NDUFAF5: variants seen among roughly 807,000 people sequenced by gnomAD.
NDUFAF5 encodes the protein arginine-hydroxylase NDUFAF5, mitochondrial.
Under a neutral mutation model 48.9 loss-of-function variants are expected in NDUFAF5, and 34 were observed. The observed-to-expected ratio is 0.70, with a 90% CI of 0.53 to 0.93. NDUFAF5 has a LOEUF of 0.93. Ranked by LOEUF, NDUFAF5 falls within the 40% of genes least tolerant of loss-of-function variation. NDUFAF5 has a pLI of 0.00. For missense variants in NDUFAF5, 428 were observed against 427.5 expected, an observed-to-expected ratio of 1.00 and a Z score of -0.01; for synonymous variants, 153 against 150.6, an observed-to-expected ratio of 1.02 and a Z score of -0.12.
intron 1 of NDUFAF5, among the ~76,000 whole-genome samples, chr20:13,786,410 T>G (rs1258960394): frequency 6.6e-6 from 1 of 152,222 alleles, no homozygotes; most frequent in African/African-American, 2.4e-5. Flanking sequence ...CTCATAGCCC[T>G]TTCCCTCCAA....
rs767617748 is a variant in NDUFAF5 at position 13,820,415 on chromosome 20, C to G, written c.*3205C>G. ...TTAAAGACATGTACAGTTTTTTGGC[C>G]GGCTGCAGTGGCTCACACCTGTGAT... On this transcript the variant is annotated 3_prime_UTR_variant, in exon 11 of 11. Coordinates refer to ENST00000378106, the MANE Select transcript of NDUFAF5 (RefSeq NM_024120.5). 5.9e-5 allele frequency: 9 copies of G among 151,940 alleles called. No homozygotes were observed. Among genetic ancestry groups the G allele is most frequent in the Admixed American group, 4.6e-4 (7 of 15,238 alleles). 9.4% of individuals were successfully genotyped at this position (151,940 alleles called of 1,614,324 possible). A position where few individuals can be genotyped will look rare whatever the true frequency, so the allele number is the denominator to read the frequency against.
intron 9 of NDUFAF5, 127 bp downstream of exon 9, chr20:13,816,673 T>A: frequency 1.2e-6 from 1 of 833,480 alleles, no homozygotes. Flanking sequence ...GTCCTTCCTC[T>A]CAAAACACAG....
intron 8 of NDUFAF5, among the ~76,000 whole-genome samples, chr20:13,815,743 T>C (rs1986380350): frequency 1.3e-5 from 2 of 152,230 alleles, no homozygotes; most frequent in South Asian, 4.1e-4. Context: ...CTTTTAATTT[T>C]GCAGACTGGC....
At chr20:13,795,076 TGA>T (rs1327797413) in intron 5 of NDUFAF5, 135 bp downstream of exon 5, 40 of 681,068 alleles carry the variant, frequency 5.9e-5, no homozygotes, top group Non-Finnish European at 9.9e-5. Context: ...GTGAATCTCT[TGA>T]GGTCAGGAGT....
chr20:13,808,768 C>T (rs1359093784), intron 7 of NDUFAF5, 74 bp from the exon 8 acceptor site: 7 of 969,146 alleles, frequency 7.2e-6, no homozygotes, highest in African/African-American at 1.6e-5. Context: ...TGGGTAGTCT[C>T]TGCGGCCTCT....
At chr20:13,801,360 G>T (rs1984086378) in intron 6 of NDUFAF5, 126 bp from the exon 7 acceptor site, 1 of 553,142 alleles carries the variant, frequency 1.8e-6, no homozygotes, top group Admixed American at 3.4e-5. Flanking sequence ...GTTAAATTAT[G>T]TGATTATTAA....
rs751806217 is a variant in NDUFAF5, at chr20:13,785,110, T to C, written c.42T>C (p.Pro14=). ...PAGLWRLCRR[P]WAARVPAENL... is the part of the protein sequence containing the mutation. ...GGCTCTGGCGCTTATGTCGGCGACCTTGGGCGGCGAGGGTCCCAGCGGAGA... is the reference window on the plus strand; with the variant it reads ...GGCTCTGGCGCTTATGTCGGCGACCCTGGGCGGCGAGGGTCCCAGCGGAGA... The change falls in exon 1 of 11, where the codon CCT becomes CCC. Residue 14 remains proline, a synonymous_variant. Transcript: ENST00000378106. The C allele has an allele frequency of 5.0e-6, 8 of 1,613,504 alleles. No homozygotes were observed. The Admixed American group carries it at 5.0e-5, about 10-fold the overall frequency.
chr20:13,819,605 G>C lies in NDUFAF5; in HGVS notation c.*2395G>C, dbSNP rs1251153214. The C allele has an allele frequency of 1.3e-5, 2 of 152,356 alleles. No homozygotes were observed. Among genetic ancestry groups the C allele is most frequent in the Admixed American group, 1.3e-4 (2 of 15,280 alleles). The allele number at this position is 152,356 out of a possible 1,614,324, so 9.4% of individuals were successfully genotyped here. ...GATGGTCTCAATCTCTTGACCTTGT[G>C]ATCTGCCCACCTTGGCTTCCCAAAG... On this transcript the variant is annotated 3_prime_UTR_variant, in exon 11 of 11. Coordinates refer to ENST00000378106, the MANE Select transcript of NDUFAF5 (RefSeq NM_024120.5).
At chr20:13,788,503 T>TG in intron 2 of NDUFAF5, 86 bp from the exon 3 acceptor site, 1 of 1,035,338 alleles carries the variant, frequency 9.7e-7, no homozygotes, top group South Asian at 1.3e-5. Context: ...TTGTGTTTAC[T>TG]GGAATGATTT....
At chr20:13,789,864 A>C (rs970168797) in intron 3 of NDUFAF5, among the ~76,000 whole-genome samples, 3 of 152,172 alleles carry the variant, frequency 2.0e-5, no homozygotes. Flanking sequence ...GGCTCCTAAA[A>C]CACTATTATT....
intron 8 of NDUFAF5, among the ~76,000 whole-genome samples, chr20:13,810,734 A>C (rs1171579742): frequency 6.6e-6 from 1 of 152,114 alleles, no homozygotes; most frequent in Non-Finnish European, 1.5e-5. Flanking sequence ...GTGTCTGAGA[A>C]GGTGGGAAGG....
At chr20:13,807,268 G>A (rs148873523) in intron 7 of NDUFAF5, among the ~76,000 whole-genome samples, 1,822 of 151,942 alleles carry the variant, frequency 0.012, 41 homozygotes, top group African/African-American at 0.042. Context: ...GAATGGTCTC[G>A]ATCTCCTGAC....
At chr20:13,791,152 T>C (rs1310611541) in intron 3 of NDUFAF5, among the ~76,000 whole-genome samples, 1 of 152,144 alleles carries the variant, frequency 6.6e-6, no homozygotes, top group African/African-American at 2.4e-5. Flanking sequence ...GTTTTAGATA[T>C]GTTGAGTTTG....
intron 7 of NDUFAF5, among the ~76,000 whole-genome samples, chr20:13,802,406 C>T (rs369732864): frequency 2.6e-5 from 4 of 152,192 alleles, no homozygotes; most frequent in Non-Finnish European, 4.4e-5. Flanking sequence ...CGGTGGCTCA[C>T]GCCTGTAATC....
In NDUFAF5 at chr20:13,785,142, G is replaced by T. The variant is rs1980730444; in HGVS notation, c.74G>T (p.Gly25Val). ...WAARVPAENL[G>V]RREVTSGVSP... is the part of the protein sequence containing the mutation. ...GCGAGGGTCCCAGCGGAGAATCTTG[G>T]CCGTAGGGAAGTCACCTCTGGTGTC... The change falls in exon 1 of 11, where the codon GGC (glycine) becomes GTC (valine). Residue 25 changes from glycine to valine, a missense_variant. By Grantham distance (109) the Gly-to-Val change is moderately radical. Coordinates refer to ENST00000378106, the MANE Select transcript of NDUFAF5 (RefSeq NM_024120.5). 6.2e-7 allele frequency: 1 copy of T among 1,613,878 alleles called. No individual in the cohort carries two copies. The highest frequency in any genetic ancestry group is 1.3e-5 in the African/African-American group (1 of 74,930).
At chr20:13,797,012 G>A (rs544228096) in intron 5 of NDUFAF5, among the ~76,000 whole-genome samples, 5 of 152,256 alleles carry the variant, frequency 3.3e-5, no homozygotes, top group South Asian at 4.1e-4. Context: ...AAGTTTCAGT[G>A]TATACAGCTC....
At chr20:13,809,668 G>C (rs1985579367) in intron 8 of NDUFAF5, among the ~76,000 whole-genome samples, 1 of 152,232 alleles carries the variant, frequency 6.6e-6, no homozygotes, top group African/African-American at 2.4e-5. Context: ...GCATCTTAGA[G>C]AGGTAACAGT....
intron 7 of NDUFAF5, among the ~76,000 whole-genome samples, chr20:13,802,545 C>G (rs1168787312): frequency 6.6e-6 from 1 of 151,830 alleles, no homozygotes; most frequent in Non-Finnish European, 1.5e-5. Flanking sequence ...TGATGCATGC[C>G]TGTAATCCCA....
chr20:13,801,955 A>AT, intron 7 of NDUFAF5: 1 of 383,348 alleles, frequency 2.6e-6, no homozygotes, highest in South Asian at 2.8e-5. Context: ...ATTTCTAAAC[A>AT]TACAACTCCA....
Sources: gnomAD v4.1 joint callset for allele counts (sites outside exome capture counted in the v4.1 genomes callset) on GRCh38, gnomAD v4.1.1 for gene constraint, MANE v1.5 for transcripts, NCBI Gene and HGNC (gene_info 2026-07-23, HGNC 2026-07-21) for gene names.